The following SNTG1 variants were observed in gnomAD, a reference collection of about 807,000 sequenced individuals.
SNTG1 encodes gamma-1-syntrophin.
A neutral mutation model predicts 74.7 loss-of-function variants in SNTG1; 39 were observed. The observed-to-expected ratio is 0.52, with a 90% confidence interval of 0.40 to 0.68. The LOEUF (loss-of-function observed/expected upper bound fraction) is 0.68. Among genes scored for constraint, SNTG1 ranks in the 30% least tolerant of loss-of-function variants. The probability of loss-of-function intolerance (pLI) is 0.00; values close to 1 mark genes in which losing one functional copy is unlikely to be tolerated. For synonymous variants in SNTG1, 254 were observed against 217.1 expected (o/e 1.17, Z -1.49); for missense variants, 685 against 609.5 (o/e 1.12, Z -1.30).
chr8:50,413,409 T>C (rs1300374437), intron 4 of SNTG1, among the ~76,000 whole-genome samples: 1 of 152,216 alleles, frequency 6.6e-6, no homozygotes, highest in Non-Finnish European at 1.5e-5. Context: ...TTAGCTCTCA[T>C]ACTGAGTTTT....
At chr8:50,327,047 T>C (rs1046366254) in intron 2 of SNTG1, among the ~76,000 whole-genome samples, 2 of 152,166 alleles carry the variant, frequency 1.3e-5, no homozygotes, top group African/African-American at 4.8e-5. Flanking sequence ...CATTGTAGTG[T>C]GAGAGCATAT....
chr8:50,075,257 C>T (rs557299838), intron 1 of SNTG1, among the ~76,000 whole-genome samples: 1 of 152,162 alleles, frequency 6.6e-6, no homozygotes, highest in African/African-American at 2.4e-5. Context: ...CAGGCCTGCC[C>T]GTGGGACTGA....
chr8:50,128,424 C>T (rs945661479), intron 1 of SNTG1, among the ~76,000 whole-genome samples: 8 of 152,046 alleles, frequency 5.3e-5, no homozygotes, highest in African/African-American at 1.4e-4. Flanking sequence ...TTACTTTATA[C>T]GGTAAAAGCA....
At chr8:49,952,814 A>G (rs1018902855) in intron 1 of SNTG1, among the ~76,000 whole-genome samples, 2 of 152,218 alleles carry the variant, frequency 1.3e-5, no homozygotes, top group Non-Finnish European at 2.9e-5. Context: ...TTAATAGGTA[A>G]TCATAAGAAG....
At chr8:50,221,841 G>T (rs535608461) in intron 2 of SNTG1, among the ~76,000 whole-genome samples, 25 of 152,224 alleles carry the variant, frequency 1.6e-4, no homozygotes, top group African/African-American at 5.5e-4. Flanking sequence ...TCAAGACAGG[G>T]GAATTGCAAT....
rs76691311 is a variant in SNTG1 at position 50,080,748 on chromosome 8, A to G, written c.-102-91813A>G. On this transcript the variant is annotated intron_variant, in intron 1 of 18. Coordinates refer to ENST00000642720, the MANE Select transcript of SNTG1 (RefSeq NM_018967.5). ...TTGTTATTGTAGTATGAAAGCTGAC[A>G]CAGCCAATATGCAAATGAGGAACTA... 7.2e-5 allele frequency among the ~76,000 whole-genome samples: 11 copies of G among 152,272 alleles called. 1 individual carries two copies. Among genetic ancestry groups the G allele is most frequent in the African/African-American group, 2.4e-4 (10 of 41,564 alleles).
At chr8:50,290,455 G>A (rs1400238990) in intron 2 of SNTG1, among the ~76,000 whole-genome samples, 1 of 152,140 alleles carries the variant, frequency 6.6e-6, no homozygotes, top group Non-Finnish European at 1.5e-5. Flanking sequence ...TACAGAATGT[G>A]AGGCCTTTGC....
chr8:49,941,530 T>TA (rs1475934752), intron 1 of SNTG1, among the ~76,000 whole-genome samples: 5 of 144,738 alleles, frequency 3.5e-5, no homozygotes, highest in Non-Finnish European at 7.7e-5. Flanking sequence ...TACATTAACT[T>TA]TTATATATAT....
intron 8 of SNTG1, among the ~76,000 whole-genome samples, chr8:50,489,377 T>C (rs1476855522): frequency 6.6e-6 from 1 of 152,198 alleles, no homozygotes; most frequent in Non-Finnish European, 1.5e-5. Flanking sequence ...GTTGAAGTAA[T>C]TTACACTCCC....
chr8:50,152,511 T>C (rs2082104654), intron 1 of SNTG1, among the ~76,000 whole-genome samples: 1 of 152,240 alleles, frequency 6.6e-6, no homozygotes, highest in Admixed American at 6.5e-5. Flanking sequence ...TCAATGGTCT[T>C]TACAATTTGG....
intron 2 of SNTG1, among the ~76,000 whole-genome samples, chr8:50,311,457 G>GCAAAATTAA (rs1305377984): frequency 1.4e-4 from 22 of 152,320 alleles, no homozygotes; most frequent in African/African-American, 5.1e-4. Context: ...TTGACAGAAA[G>GCAAAATTAA]CCTTTTCTTA....
intron 14 of SNTG1, among the ~76,000 whole-genome samples, chr8:50,657,972 T>C (rs887707445): frequency 5.9e-5 from 9 of 152,124 alleles, no homozygotes; most frequent in African/African-American, 2.2e-4. Context: ...TCATCAGGTC[T>C]AACTTGCTGC....
chr8:49,972,485 G>C (rs922214933), intron 1 of SNTG1, among the ~76,000 whole-genome samples: 1 of 152,150 alleles, frequency 6.6e-6, no homozygotes, highest in South Asian at 2.1e-4. Flanking sequence ...AACATCAAAA[G>C]CAATGGCAAC....
intron 13 of SNTG1, among the ~76,000 whole-genome samples, chr8:50,651,936 G>C (rs992554207): frequency 3.3e-5 from 5 of 151,556 alleles, no homozygotes; most frequent in Non-Finnish European, 5.9e-5. Flanking sequence ...TTTTAGTAGA[G>C]ATGGGGTTTC....
At chr8:49,968,897 G>T (rs1162617146) in intron 1 of SNTG1, among the ~76,000 whole-genome samples, 2 of 152,156 alleles carry the variant, frequency 1.3e-5, no homozygotes, top group East Asian at 3.9e-4. Flanking sequence ...GAGCACTACA[G>T]GCAAAGGGCG....
At chr8:50,509,601 G>T (rs562483037) in intron 9 of SNTG1, among the ~76,000 whole-genome samples, 1 of 152,026 alleles carries the variant, frequency 6.6e-6, no homozygotes, top group African/African-American at 2.4e-5. Flanking sequence ...TTGAGCAGTG[G>T]TGTGTAGTTC....
At chr8:50,178,529 T>C (rs2083084609) in intron 2 of SNTG1, among the ~76,000 whole-genome samples, 1 of 152,124 alleles carries the variant, frequency 6.6e-6, no homozygotes, top group East Asian at 1.9e-4. Context: ...TACAAATGAA[T>C]TATAAAGAGA....
At chr8:49,975,508 A>G (rs537236971) in intron 1 of SNTG1, among the ~76,000 whole-genome samples, 11 of 152,268 alleles carry the variant, frequency 7.2e-5, no homozygotes, top group East Asian at 5.8e-4. Flanking sequence ...TCAAATTGAC[A>G]TGCAGTCTCC....
chr8:50,346,973 A>G (rs958761025), intron 2 of SNTG1, among the ~76,000 whole-genome samples: 1 of 152,244 alleles, frequency 6.6e-6, no homozygotes, highest in Non-Finnish European at 1.5e-5. Context: ...TGCAGGGTAA[A>G]GCAGCAAATG....
Sources: gnomAD v4.1 joint callset for allele counts (sites outside exome capture counted in the v4.1 genomes callset) on GRCh38, gnomAD v4.1.1 for gene constraint, MANE v1.5 for transcripts, NCBI Gene and HGNC (gene_info 2026-07-23, HGNC 2026-07-21) for gene names.